CADM1: variants seen among roughly 807,000 people sequenced by gnomAD.
The protein encoded by CADM1 is cell adhesion molecule 1, also known as TSLC-1.
CADM1 carries 15 observed loss-of-function variants against 53.1 expected under a neutral mutation model. That is an observed-to-expected ratio of 0.28 (90% CI 0.19 to 0.44). The LOEUF (loss-of-function observed/expected upper bound fraction) is 0.44. Ranked by LOEUF, CADM1 falls within the 20% of genes least tolerant of loss-of-function variation. CADM1 has a pLI of 1.00. For missense variants in CADM1, 434 were observed against 611.3 expected (o/e 0.71, Z 3.06); for synonymous variants, 281 against 243.0 (o/e 1.16, Z -1.45).
rs1212749755 is a variant in CADM1 at position 115,171,179 on chromosome 11, TG to T, written c.*5294del. The T allele has an allele frequency of 6.6e-6, 1 of 152,216 alleles. No individual in the cohort carries two copies. The highest frequency in any genetic ancestry group is 1.5e-5 in the Non-Finnish European group (1 of 68,042). The allele number at this position is 152,216 out of a possible 1,614,324, so 9.4% of individuals were successfully genotyped here. ...ATACAAATTTCACCCTGAAGGAATG[TG>T]GCTGCCAGTTCTTCATGACAAAGGG... On this transcript the variant is annotated 3_prime_UTR_variant, in exon 12 of 12. Transcript: ENST00000331581.
intron 1 of CADM1, among the ~76,000 whole-genome samples, chr11:115,398,507 T>C (rs1009910930): frequency 2.6e-5 from 4 of 152,200 alleles, no homozygotes; most frequent in Admixed American, 1.3e-4. Context: ...AAATTGTATA[T>C]ACTTCCCCTC....
At chr11:115,223,673 T>G (rs746468646) in intron 5 of CADM1, among the ~76,000 whole-genome samples, 3 of 152,156 alleles carry the variant, frequency 2.0e-5, no homozygotes, top group Non-Finnish European at 2.9e-5. Flanking sequence ...CAACACTCAC[T>G]CTTTGTATTT....
intron 1 of CADM1, among the ~76,000 whole-genome samples, chr11:115,419,340 C>G (rs1947695349): frequency 6.6e-6 from 1 of 152,182 alleles, no homozygotes; most frequent in African/African-American, 2.4e-5. Flanking sequence ...CTGAAGTACA[C>G]AAGTAACTTT....
At chr11:115,295,315 T>TTC (rs1389265554) in intron 1 of CADM1, among the ~76,000 whole-genome samples, 1 of 151,276 alleles carries the variant, frequency 6.6e-6, no homozygotes, top group Non-Finnish European at 1.5e-5. Flanking sequence ...CTAAGTTACT[T>TTC]TCACTCCCTC....
intron 1 of CADM1, among the ~76,000 whole-genome samples, chr11:115,265,070 C>T (rs1363596494): frequency 1.3e-5 from 2 of 152,148 alleles, no homozygotes; most frequent in South Asian, 2.1e-4. Context: ...ATTCACTAGG[C>T]TATGTTTGCT....
rs760496607 is a variant in CADM1, at chr11:115,307,508, G to GAA, written c.125-67090_125-67089dup. Among the ~76,000 whole-genome samples the GAA allele has an allele frequency of 4.1e-3, 581 of 143,026 alleles. 1 individual carries two copies. Among genetic ancestry groups the GAA allele is most frequent in the East Asian group, 0.02 (96 of 4,750 alleles). The allele number at this position is 143,026 out of a possible 152,430, so 93.8% of individuals were successfully genotyped here. A position where few individuals can be genotyped will look rare whatever the true frequency, so the allele number is the denominator to read the frequency against. Reference sequence around the variant, plus strand: ...ATGAATTTTCAACTATTTAAGCCAGGAAAAAAAAAATATATATATATATAT... The same window carrying GAA: ...ATGAATTTTCAACTATTTAAGCCAGGAAAAAAAAAAAATATATATATATATAT... On this transcript the variant is annotated intron_variant, in intron 1 of 11. Coordinates refer to ENST00000331581, the MANE Select transcript of CADM1 (RefSeq NM_001301043.2).
At chr11:115,340,656 ATATTT>A (rs1424153111) in intron 1 of CADM1, among the ~76,000 whole-genome samples, 2 of 52,330 alleles carry the variant, frequency 3.8e-5, no homozygotes, top group Non-Finnish European at 6.3e-5. Context: ...ATATATATAT[ATATTT>A]TTTTTTTTTT....
At chr11:115,404,516 T>C (rs2135227026) in intron 1 of CADM1, among the ~76,000 whole-genome samples, 1 of 149,388 alleles carries the variant, frequency 6.7e-6, no homozygotes, top group Non-Finnish European at 1.5e-5. Context: ...GAAAGGCTTT[T>C]TAAATAAGCA....
chr11:115,412,465 T>A (rs188436608), intron 1 of CADM1, among the ~76,000 whole-genome samples: 70 of 152,330 alleles, frequency 4.6e-4, no homozygotes, highest in African/African-American at 1.4e-3. Flanking sequence ...TCCTGAAGTG[T>A]TGGGATTACA....
intron 3 of CADM1, among the ~76,000 whole-genome samples, chr11:115,231,764 A>G (rs2134859611): frequency 6.6e-6 from 1 of 152,278 alleles, no homozygotes; most frequent in East Asian, 1.9e-4. Flanking sequence ...AGGCGGGCAG[A>G]TTACCTGAGG....
At chr11:115,440,804 G>A (rs951502281) in intron 1 of CADM1, among the ~76,000 whole-genome samples, 3 of 151,820 alleles carry the variant, frequency 2.0e-5, no homozygotes, top group Non-Finnish European at 4.4e-5. Flanking sequence ...TTTAAGATAG[G>A]GTCTCACTCC....
chr11:115,224,511 T>A (rs1941528095), intron 5 of CADM1, among the ~76,000 whole-genome samples: 1 of 152,126 alleles, frequency 6.6e-6, no homozygotes. Flanking sequence ...TTTTCTTTCT[T>A]TTTTTAAAAT....
chr11:115,295,550 A>ATATT (rs371584699), intron 1 of CADM1, among the ~76,000 whole-genome samples: 92 of 52,956 alleles, frequency 1.7e-3, no homozygotes, highest in Non-Finnish European at 2.1e-3. Context: ...ATATATATAT[A>ATATT]ATATATATGT....
rs111830104 is a variant in CADM1, at chr11:115,243,869, G to A, written c.125-3449C>T. ...TAATGTCAAGGCAGAAACAGGACAT[G>A]TTCTGGGCAAAAGAAATCAAATAGG... On this transcript the variant is annotated intron_variant, in intron 1 of 11. Transcript: ENST00000331581. Among the ~76,000 whole-genome samples, 106 of 152,302 alleles carry A rather than the reference G, an allele frequency of 7.0e-4. 1 individual carries two copies. Among genetic ancestry groups the A allele is most frequent in the Middle Eastern group, 3.4e-3 (1 of 294 alleles).
chr11:115,503,204 C>A (rs1334802309), intron 1 of CADM1, among the ~76,000 whole-genome samples: 1 of 152,222 alleles, frequency 6.6e-6, no homozygotes, highest in African/African-American at 2.4e-5. Context: ...CTCCGGCTCC[C>A]TTTTGTTAGC....
At chr11:115,375,565 C>T (rs1338787521) in intron 1 of CADM1, among the ~76,000 whole-genome samples, 1 of 152,016 alleles carries the variant, frequency 6.6e-6, no homozygotes, top group African/African-American at 2.4e-5. Context: ...GTATTTGATA[C>T]GATGACAATA....
intron 1 of CADM1, among the ~76,000 whole-genome samples, chr11:115,280,608 T>G (rs1463400715): frequency 6.6e-6 from 1 of 152,190 alleles, no homozygotes; most frequent in Non-Finnish European, 1.5e-5. Context: ...TACAGCACTC[T>G]GAATACACAG....
intron 1 of CADM1, among the ~76,000 whole-genome samples, chr11:115,461,739 G>A (rs1157453905): frequency 7.2e-5 from 11 of 152,170 alleles, no homozygotes; most frequent in Admixed American, 7.2e-4. Context: ...TGTATTTTGA[G>A]TATATTTGTA....
chr11:115,245,050 T>C (rs930649687), intron 1 of CADM1, among the ~76,000 whole-genome samples: 1 of 152,212 alleles, frequency 6.6e-6, no homozygotes, highest in Non-Finnish European at 1.5e-5. Context: ...GGGCAAGTCA[T>C]AGTTAAAACA....
Sources: gnomAD v4.1 joint callset for allele counts (sites outside exome capture counted in the v4.1 genomes callset) on GRCh38, gnomAD v4.1.1 for gene constraint, MANE v1.5 for transcripts, NCBI Gene and HGNC (gene_info 2026-07-23, HGNC 2026-07-21) for gene names.